The following N4BP2L2 variants were observed in gnomAD, a reference collection of about 807,000 sequenced individuals.
N4BP2L2 encodes the protein NEDD4-binding protein 2-like 2.
N4BP2L2 carries 50 observed loss-of-function variants against 56.2 expected under a neutral mutation model. The ratio of observed to expected loss-of-function variants is 0.89; its 90% CI spans 0.71 to 1.13. The LOEUF (loss-of-function observed/expected upper bound fraction) is 1.13, where lower values mean the gene tolerates loss of function less well. N4BP2L2 is among the 50% of genes most tolerant of loss of function. The pLI is 0.00. For synonymous variants in N4BP2L2, 203 were observed against 223.6 expected, an observed-to-expected ratio of 0.91 and a Z score of 0.82; for missense variants, 689 against 693.8, an observed-to-expected ratio of 0.99 and a Z score of 0.08.
In N4BP2L2 at chr13:32,480,524, A is replaced by G. The variant is rs1593741684; in HGVS notation, c.366-36398T>C. 5.4e-6 allele frequency: 5 copies of G among 927,648 alleles called. No homozygotes were observed. In the East Asian group the frequency reaches 1.9e-4, roughly 35 times the overall value. 57.5% of individuals were successfully genotyped at this position (927,648 alleles called of 1,614,324 possible). On this transcript the variant is annotated intron_variant, in intron 6 of 9. Transcript: ENST00000357505. ...CAACAATAAAGAGACTTTTTTCTAC[A>G]TAATTTTAATCTTAGAAAATCAGAC...
At chr13:32,538,079 G>T (rs184669763) in intron 1 of N4BP2L2, among the ~76,000 whole-genome samples, 1 of 136,092 alleles carries the variant, frequency 7.3e-6, no homozygotes, top group Non-Finnish European at 1.6e-5. Flanking sequence ...TTGGGGGGGG[G>T]GGGCGGTTAC....
At chr13:32,500,774 A>G (rs2089845789) in intron 6 of N4BP2L2, among the ~76,000 whole-genome samples, 1 of 151,700 alleles carries the variant, frequency 6.6e-6, no homozygotes, top group African/African-American at 2.4e-5. Context: ...GTATCTTAAA[A>G]TATTATAAAT....
intron 6 of N4BP2L2, among the ~76,000 whole-genome samples, chr13:32,468,312 A>T (rs1464585169): frequency 6.6e-6 from 1 of 152,100 alleles, no homozygotes; most frequent in Non-Finnish European, 1.5e-5. Flanking sequence ...ATATGAAAAG[A>T]GGAATATTTT....
At chr13:32,477,876 C>T (rs563000775) in intron 6 of N4BP2L2, 389 of 1,289,106 alleles carry the variant, frequency 3.0e-4, no homozygotes, top group Non-Finnish European at 3.5e-4. Context: ...TGCAGAATTC[C>T]GTCAAATCAC....
intron 4 of N4BP2L2, 23 bp downstream of exon 4, chr13:32,522,159 A>C: frequency 7.0e-7 from 1 of 1,434,940 alleles, no homozygotes; most frequent in Non-Finnish European, 9.5e-7. Flanking sequence ...AAAAATAAAA[A>C]CTTTCTCATG....
intron 6 of N4BP2L2, among the ~76,000 whole-genome samples, chr13:32,456,958 C>T (rs745395763): frequency 2.6e-5 from 4 of 151,802 alleles, no homozygotes; most frequent in Admixed American, 6.6e-5. Flanking sequence ...CAAAGCATGG[C>T]GAAACCCTAT....
chr13:32,516,636 C>T (rs564744221), exon 6 of N4BP2L2: 3 of 152,816 alleles, frequency 2.0e-5, no homozygotes, highest in East Asian at 3.9e-4. Flanking sequence ...TTATGTAAAA[C>T]ATATAAAGAA....
chr13:32,456,401 C>T (rs2078993365), intron 6 of N4BP2L2, among the ~76,000 whole-genome samples: 1 of 152,068 alleles, frequency 6.6e-6, no homozygotes. Context: ...AAAAGCATAG[C>T]CAAAAATTTG....
intron 6 of N4BP2L2, among the ~76,000 whole-genome samples, chr13:32,497,938 A>G (rs2089126535): frequency 6.6e-6 from 1 of 152,178 alleles, no homozygotes; most frequent in African/African-American, 2.4e-5. Context: ...CAAGTACAGA[A>G]ATTGAGAATA....
chr13:32,446,665 C>T (rs1055172007), intron 6 of N4BP2L2: 3 of 356,248 alleles, frequency 8.4e-6, no homozygotes, highest in East Asian at 1.7e-4. Context: ...AGAAAGAGAG[C>T]CCTAATCTAG....
chr13:32,459,040 C>T (rs2079513840), intron 6 of N4BP2L2, among the ~76,000 whole-genome samples: 1 of 152,082 alleles, frequency 6.6e-6, no homozygotes, highest in South Asian at 2.1e-4. Context: ...TCCTCAACAA[C>T]CTTTGGGTCA....
chr13:32,480,012 A>T (rs923709696), intron 6 of N4BP2L2, among the ~76,000 whole-genome samples: 4 of 151,898 alleles, frequency 2.6e-5, no homozygotes, highest in African/African-American at 9.7e-5. Context: ...CCACAGATTA[A>T]AAAAAAATGT....
In N4BP2L2 at chr13:32,536,679, A is replaced by AT. The variant is rs1325043061; in HGVS notation, c.348dup (p.Tyr117IlefsTer2). ...CCTATAAATGCTTTACTTGTGCTATATATCTCATCGTCTGCGGATACTAAT... is the reference window on the plus strand; with the variant it reads ...CCTATAAATGCTTTACTTGTGCTATATTATCTCATCGTCTGCGGATACTAAT... On this transcript the variant is annotated frameshift_variant, in exon 2 of 6. Transcript: ENST00000267068. LOFTEE classifies it high-confidence loss of function. 1 of 1,614,114 alleles carries AT rather than the reference A, an allele frequency of 6.2e-7. No homozygotes were observed. The highest frequency in any genetic ancestry group is 1.1e-5 in the South Asian group (1 of 91,082).
intron 6 of N4BP2L2, among the ~76,000 whole-genome samples, chr13:32,449,219 T>G (rs1347156251): frequency 2.6e-5 from 4 of 152,210 alleles, no homozygotes; most frequent in Non-Finnish European, 5.9e-5. Flanking sequence ...GTCAGATGGG[T>G]TTATTCGCAA....
At chr13:32,500,546 CAAAAA>C (rs1169575568) in intron 6 of N4BP2L2, among the ~76,000 whole-genome samples, 3 of 52,200 alleles carry the variant, frequency 5.7e-5, no homozygotes, top group African/African-American at 1.5e-4. Flanking sequence ...CCTGTCTCTA[CAAAAA>C]AAAAAAAAAA....
At chr13:32,477,800 T>C in intron 6 of N4BP2L2, 1 of 1,152,200 alleles carries the variant, frequency 8.7e-7, no homozygotes, top group Non-Finnish European at 1.1e-6. Context: ...TTAAGAGGTA[T>C]ACAGCTGAGA....
intron 6 of N4BP2L2, among the ~76,000 whole-genome samples, chr13:32,449,592 A>G (rs1207945): frequency 0.36 from 55,465 of 152,078 alleles, 11,272 homozygotes; most frequent in East Asian, 0.68. Context: ...TCTTTAAACA[A>G]TTTTTTTCAA....
chr13:32,537,251 T>TATATATATATGTATATATAC (rs1298506376), intron 1 of N4BP2L2, among the ~76,000 whole-genome samples: 1 of 151,520 alleles, frequency 6.6e-6, no homozygotes, highest in Non-Finnish European at 1.5e-5. Flanking sequence ...TTTTGAAAAA[T>TATATATATATGTATATATAC]ATATATATAT....
intron 6 of N4BP2L2, among the ~76,000 whole-genome samples, chr13:32,470,559 C>T (rs2082107382): frequency 6.6e-6 from 1 of 152,140 alleles, no homozygotes; most frequent in South Asian, 2.1e-4. Flanking sequence ...TGCTTTTAGT[C>T]CCAACTATGG....
Sources: gnomAD v4.1 joint callset for allele counts (sites outside exome capture counted in the v4.1 genomes callset) on GRCh38, gnomAD v4.1.1 for gene constraint, MANE v1.5 for transcripts, NCBI Gene and HGNC (gene_info 2026-07-23, HGNC 2026-07-21) for gene names.